The following TXNRD3 variants were observed in gnomAD, a reference collection of about 807,000 sequenced individuals.
The protein encoded by TXNRD3 is thioredoxin reductase 3.
A neutral mutation model predicts 78.2 loss-of-function variants in TXNRD3; 68 were observed. The observed-to-expected ratio is 0.87, with a 90% CI of 0.72 to 1.06. The LOEUF is 1.06. Among genes scored for constraint, TXNRD3 ranks in the 50% least tolerant of loss-of-function variants. TXNRD3 has a pLI of 0.00. For synonymous variants in TXNRD3, 296 were observed against 300.1 expected (o/e 0.99, Z 0.14); for missense variants, 751 against 809.5 (o/e 0.93, Z 0.88).
intron 12 of TXNRD3, among the ~76,000 whole-genome samples, chr3:126,616,926 C>T (rs139597581): frequency 5.3e-5 from 8 of 152,216 alleles, no homozygotes; most frequent in African/African-American, 1.9e-4. Context: ...CTTTTCCCAA[C>T]ATGGCTGACA....
chr3:126,641,918 A>T, intron 6 of TXNRD3, 114 bp downstream of exon 6: 1 of 1,276,966 alleles, frequency 7.8e-7, no homozygotes, highest in Non-Finnish European at 1.0e-6. Context: ...CTTCCTAATG[A>T]ATGTTCATTA....
At chr3:126,653,912 G>A (rs1175122159) in intron 1 of TXNRD3, among the ~76,000 whole-genome samples, 1 of 151,860 alleles carries the variant, frequency 6.6e-6, no homozygotes, top group Admixed American at 6.6e-5. Flanking sequence ...AACTGTTGAG[G>A]AAGAAAACTG....
chr3:126,615,614 T>C (rs1938300197), intron 12 of TXNRD3, among the ~76,000 whole-genome samples, 152 bp from the exon 13 acceptor site: 1 of 152,152 alleles, frequency 6.6e-6, no homozygotes, highest in Non-Finnish European at 1.5e-5. Context: ...CTAAGGTACC[T>C]TAACAGAGAT....
At chr3:126,653,017 C>T (rs1009637004) in intron 1 of TXNRD3, among the ~76,000 whole-genome samples, 1 of 152,208 alleles carries the variant, frequency 6.6e-6, no homozygotes, top group Non-Finnish European at 1.5e-5. Flanking sequence ...ACCATTAGAA[C>T]CCAACCTCTC....
At position 126,642,542 on chromosome 3, in the gene TXNRD3, C is replaced by A. The variant is rs151181400; in HGVS notation, c.593-391G>T. ...CGTTGTCAACTGCAAGCTGCCTGGT[C>A]ACATTTACTCTGAGTCCTGAACAAC... On this transcript the variant is annotated intron_variant, in intron 5 of 15. Coordinates refer to ENST00000524230, the MANE Select transcript of TXNRD3 (RefSeq NM_052883.3). 2.6e-5 allele frequency among the ~76,000 whole-genome samples: 4 copies of A among 152,326 alleles called. No homozygotes were observed. The East Asian group carries it at 7.7e-4, about 29-fold the overall frequency.
At position 126,655,029 on chromosome 3, in the gene TXNRD3, C is replaced by A. The variant is rs1933483178; in HGVS notation, c.-39G>T. 2 of 1,293,348 alleles carry A rather than the reference C, an allele frequency of 1.5e-6. No homozygotes were observed. The highest frequency in any genetic ancestry group is 4.2e-5 in the Admixed American group (1 of 23,646). The allele number at this position is 1,293,348 out of a possible 1,614,324, so 80.1% of individuals were successfully genotyped here. On this transcript the variant is annotated 5_prime_UTR_variant, in exon 1 of 16. Transcript: ENST00000524230. ...CTCCTGGCCCGGCCGGGCCTGCTCA[C>A]AAACCGAAACGCAGGCGGCTGCGGC...
rs747114940 is a variant in TXNRD3, at chr3:126,640,094, CTTTTTTTTTTTTTTT to C, written c.712+1923_712+1937del. 3.5e-4 allele frequency among the ~76,000 whole-genome samples: 5 copies of C among 14,308 alleles called. 1 individual carries two copies. The highest frequency in any genetic ancestry group is 1.2e-3 in the South Asian group (1 of 868). The allele number at this position is 14,308 out of a possible 152,430, so 9.4% of individuals were successfully genotyped here. On this transcript the variant is annotated intron_variant, in intron 6 of 15. Transcript: ENST00000524230. The stretch of plus-strand genomic sequence containing the variant: ...AATAAACCAAAGCTGCTTGTGTTTT[CTTTTTTTTTTTTTTT>C]TTTTTTTTTTTTTGAGACGGAGTCT...
Position 126,643,992 on chromosome 3 carries a change from C to T in TXNRD3, c.581G>A (p.Gly194Asp). The T allele has an allele frequency of 6.5e-7, 1 of 1,535,948 alleles. No individual in the cohort carries two copies. Among genetic ancestry groups the T allele is most frequent in the Middle Eastern group, 1.7e-4 (1 of 5,988 alleles). The change falls in exon 5 of 16, where the codon GGC becomes GAC. Residue 194 changes from glycine (G) to aspartate (D), a missense_variant. Physicochemically the swap from Gly to Asp is moderately conservative, Grantham distance 94 (BLOSUM62 -1). Transcript: ENST00000524230. ...GAAAAACAACTTACCCCAGGATGTG[C>T]CCTGAGGTGACGGGACAACAAAGTC...
chr3:126,649,547 G>A (rs1933323714), intron 1 of TXNRD3, among the ~76,000 whole-genome samples: 1 of 152,198 alleles, frequency 6.6e-6, no homozygotes. Flanking sequence ...GTACACCCAT[G>A]TTCATAGAAA....
At position 126,623,851 on chromosome 3, in the gene TXNRD3, C is replaced by CA. The variant is rs758992893; in HGVS notation, c.1291-1312_1291-1311insT. 5.9e-4 allele frequency among the ~76,000 whole-genome samples: 53 copies of CA among 89,758 alleles called. 2 individuals are homozygous for CA. Among genetic ancestry groups the CA allele is most frequent in the African/African-American group, 1.9e-3 (49 of 25,970 alleles). The allele number at this position is 89,758 out of a possible 152,430, so 58.9% of individuals were successfully genotyped here. ...GGAGGTATTAGCCAGTGAAACAAGG[C>CA]CAAAAAAAAAAAAAAAAAAGATTAA... On this transcript the variant is annotated intron_variant, in intron 10 of 15. Transcript: ENST00000524230.
chr3:126,648,325 C>A (rs1201994622), intron 1 of TXNRD3, among the ~76,000 whole-genome samples: 1 of 151,680 alleles, frequency 6.6e-6, no homozygotes, highest in Non-Finnish European at 1.5e-5. Context: ...TTAATGCAAT[C>A]CTTTTCAAAA....
intron 10 of TXNRD3, among the ~76,000 whole-genome samples, 158 bp from the exon 11 acceptor site, chr3:126,622,698 A>G (rs1938486762): frequency 6.6e-6 from 1 of 152,232 alleles, no homozygotes; most frequent in African/African-American, 2.4e-5. Context: ...TAGATTCCTT[A>G]AAAGACACAA....
intron 10 of TXNRD3, among the ~76,000 whole-genome samples, chr3:126,624,350 G>A (rs1317730238): frequency 1.3e-5 from 2 of 152,056 alleles, no homozygotes; most frequent in African/African-American, 4.8e-5. Context: ...TCAAAACAAT[G>A]TGGTACTGGG....
At chr3:126,608,395 T>A in intron 15 of TXNRD3, 104 bp downstream of exon 15, 1 of 1,193,972 alleles carries the variant, frequency 8.4e-7, no homozygotes, top group Non-Finnish European at 1.1e-6. Flanking sequence ...AATTTAAAAA[T>A]ATACAAATCA....
At chr3:126,637,126 T>C (rs1315789489) in intron 6 of TXNRD3, among the ~76,000 whole-genome samples, 1 of 152,198 alleles carries the variant, frequency 6.6e-6, no homozygotes, top group Non-Finnish European at 1.5e-5. Flanking sequence ...GGGTTATTCT[T>C]ACACAATATT....
intron 2 of TXNRD3, among the ~76,000 whole-genome samples, 191 bp downstream of exon 2, chr3:126,647,045 T>C (rs1230219666): frequency 6.6e-6 from 1 of 152,154 alleles, no homozygotes; most frequent in African/African-American, 2.4e-5. Flanking sequence ...ATATGGAAAA[T>C]GTATAAATAA....
At chr3:126,609,167 G>A (rs529749259) in intron 14 of TXNRD3, 57 of 444,632 alleles carry the variant, frequency 1.3e-4, no homozygotes, top group South Asian at 4.2e-4. Flanking sequence ...ATGTGCAGTC[G>A]TTTTCCACGG....
chr3:126,632,803 G>A (rs1216678213), intron 7 of TXNRD3, among the ~76,000 whole-genome samples: 2 of 152,164 alleles, frequency 1.3e-5, no homozygotes, highest in African/African-American at 4.8e-5. Flanking sequence ...CCTGGAGAAA[G>A]AGCCTTGCTT....
At chr3:126,627,450 TG>T (rs1393650298) in intron 10 of TXNRD3, among the ~76,000 whole-genome samples, 1 of 152,210 alleles carries the variant, frequency 6.6e-6, no homozygotes, top group Non-Finnish European at 1.5e-5. Context: ...AGAAATGTTC[TG>T]TTACCTAAAG....
Sources: allele counts gnomAD v4.1 joint callset (sites outside exome capture counted in the v4.1 genomes callset), GRCh38; gene constraint gnomAD v4.1.1; transcripts MANE v1.5; gene names NCBI Gene and HGNC (gene_info 2026-07-23, HGNC 2026-07-21).